Variants in CACNB2 observed in about 807,000 individuals in gnomAD.
CACNB2 encodes the protein calcium voltage-gated channel auxiliary subunit beta 2.
In CACNB2, 42 loss-of-function variants were observed where a neutral mutation model predicts 73.3. The observed-to-expected ratio is 0.57, with a 90% confidence interval of 0.45 to 0.74. CACNB2 has a LOEUF of 0.74. Among genes scored for constraint, CACNB2 ranks in the 30% least tolerant of loss-of-function variants. The pLI, the probability that CACNB2 is intolerant of heterozygous loss-of-function variation, is 0.00. For synonymous variants in CACNB2, 348 were observed against 310.3 expected, an observed-to-expected ratio of 1.12 and a Z score of -1.28; for missense variants, 940 against 853.0, an observed-to-expected ratio of 1.10 and a Z score of -1.27.
intron 2 of CACNB2, among the ~76,000 whole-genome samples, chr10:18,348,821 A>G (rs2041583343): frequency 6.6e-6 from 1 of 152,198 alleles, no homozygotes; most frequent in Non-Finnish European, 1.5e-5. Flanking sequence ...TATATTTTAA[A>G]GAGACCTCAG....
At chr10:18,389,228 C>T (rs1035929947) in intron 2 of CACNB2, among the ~76,000 whole-genome samples, 3 of 152,178 alleles carry the variant, frequency 2.0e-5, no homozygotes, top group African/African-American at 7.2e-5. Flanking sequence ...CCTTGAACTC[C>T]TGAGCTCAGG....
Position 18,539,461 on chromosome 10 carries a change from T to C in CACNB2, c.1720T>C (p.Tyr574His). 6.2e-7 allele frequency: 1 copy of C among 1,613,622 alleles called. No homozygotes were observed. The highest frequency in any genetic ancestry group is 8.5e-7 in the Non-Finnish European group (1 of 1,179,894). Residue 574 changes from tyrosine to histidine, a missense_variant, in exon 14 of 14, where the codon TAT (tyrosine) becomes CAT (histidine). Coordinates refer to ENST00000324631, the MANE Select transcript of CACNB2 (RefSeq NM_201596.3). ...DSAYVEPKED[Y>H]SHDHVDHYAS... ...TGCCTACGTAGAGCCAAAGGAAGAT[T>C]ATTCCCATGACCACGTGGACCACTA...
rs118184119 is a variant in CACNB2 at position 18,312,511 on chromosome 10, A to G, written c.214-89413A>G. Among the ~76,000 whole-genome samples the G allele has an allele frequency of 3.0e-4, 46 of 152,306 alleles. 1 individual carries two copies. In the East Asian group the frequency reaches 8.9e-3, roughly 29 times the overall value. Reference sequence around the variant, plus strand: ...AAATATTGGCCCAGATGCTGAATAAATCCTTGTCGATGACTATAAGGAGAT... The same window carrying G: ...AAATATTGGCCCAGATGCTGAATAAGTCCTTGTCGATGACTATAAGGAGAT... On this transcript the variant is annotated intron_variant, in intron 2 of 13. Coordinates refer to ENST00000324631, the MANE Select transcript of CACNB2 (RefSeq NM_201596.3).
chr10:18,487,774 G>A (rs565093781), intron 3 of CACNB2, among the ~76,000 whole-genome samples: 8 of 151,600 alleles, frequency 5.3e-5, no homozygotes, highest in African/African-American at 1.7e-4. Flanking sequence ...GGCAGAGGTT[G>A]CAGTGAGCCA....
chr10:18,499,961 A>T (rs939494413), intron 4 of CACNB2, among the ~76,000 whole-genome samples: 3 of 152,116 alleles, frequency 2.0e-5, no homozygotes, highest in African/African-American at 7.2e-5. Flanking sequence ...ACAGAGCAAG[A>T]CCCTGTCTTG....
chr10:18,462,358 G>A (rs1052959129), intron 3 of CACNB2, among the ~76,000 whole-genome samples: 1 of 151,964 alleles, frequency 6.6e-6, no homozygotes, highest in African/African-American at 2.4e-5. Context: ...GGGCTCAAGC[G>A]ATCCTCCCAC....
intron 2 of CACNB2, among the ~76,000 whole-genome samples, chr10:18,367,899 A>G (rs2042421512): frequency 6.6e-6 from 1 of 152,226 alleles, no homozygotes; most frequent in Non-Finnish European, 1.5e-5. Flanking sequence ...ATTTGATTTT[A>G]GAAAGACTTA....
At chr10:18,158,302 T>G (rs983472971) in intron 2 of CACNB2, among the ~76,000 whole-genome samples, 1 of 152,170 alleles carries the variant, frequency 6.6e-6, no homozygotes, top group Non-Finnish European at 1.5e-5. Context: ...GGCTTTTGCT[T>G]TGTAAATTGT....
At chr10:18,230,388 T>C (rs1366248159) in intron 2 of CACNB2, among the ~76,000 whole-genome samples, 1 of 152,222 alleles carries the variant, frequency 6.6e-6, no homozygotes, top group Non-Finnish European at 1.5e-5. Flanking sequence ...ATCTTTTTTT[T>C]GTACTGTTAT....
chr10:18,325,832 C>T (rs1372540753), intron 2 of CACNB2, among the ~76,000 whole-genome samples: 4 of 151,790 alleles, frequency 2.6e-5, no homozygotes, highest in Non-Finnish European at 5.9e-5. Flanking sequence ...GCAGCCTCCA[C>T]CTCCCAGACT....
chr10:18,447,888 C>G (rs1051340858), intron 3 of CACNB2, among the ~76,000 whole-genome samples: 1 of 151,668 alleles, frequency 6.6e-6, no homozygotes, highest in Admixed American at 6.6e-5. Flanking sequence ...CCTCCAAACC[C>G]GAGAGCTATT....
intron 2 of CACNB2, among the ~76,000 whole-genome samples, chr10:18,333,645 G>A (rs2040890279): frequency 6.6e-6 from 1 of 152,108 alleles, no homozygotes; most frequent in African/African-American, 2.4e-5. Context: ...CTAGAGTTTT[G>A]TTTTGCTGTT....
intron 3 of CACNB2, among the ~76,000 whole-genome samples, chr10:18,433,083 CTATT>C (rs1353892326): frequency 6.6e-6 from 1 of 150,740 alleles, no homozygotes; most frequent in Non-Finnish European, 1.5e-5. Flanking sequence ...TTAGATAACA[CTATT>C]TATTCATTAA....
At chr10:18,486,772 G>A (rs1486697700) in intron 3 of CACNB2, among the ~76,000 whole-genome samples, 1 of 152,160 alleles carries the variant, frequency 6.6e-6, no homozygotes, top group East Asian at 1.9e-4. Context: ...GGGAAATTTG[G>A]GGAGCTTGAA....
At chr10:18,493,403 T>C (rs1042470404) in intron 3 of CACNB2, among the ~76,000 whole-genome samples, 2 of 152,140 alleles carry the variant, frequency 1.3e-5, no homozygotes, top group Non-Finnish European at 2.9e-5. Flanking sequence ...CCTGATCTCG[T>C]GATCCGCCCA....
chr10:18,495,544 ACTGTGTG>A (rs1270780084), intron 3 of CACNB2, among the ~76,000 whole-genome samples: 21 of 123,598 alleles, frequency 1.7e-4, no homozygotes, highest in African/African-American at 7.1e-4. Flanking sequence ...AAGTATAAAA[ACTGTGTG>A]TGTGTGTGTG....
chr10:18,362,191 C>T (rs971736427), intron 2 of CACNB2, among the ~76,000 whole-genome samples: 1 of 152,152 alleles, frequency 6.6e-6, no homozygotes, highest in African/African-American at 2.4e-5. Context: ...TTTTTGTATA[C>T]ATGCATACAT....
At chr10:18,426,514 A>T (rs2045606617) in intron 3 of CACNB2, among the ~76,000 whole-genome samples, 1 of 152,146 alleles carries the variant, frequency 6.6e-6, no homozygotes, top group African/African-American at 2.4e-5. Context: ...TATCAGACAT[A>T]GATAGGACAG....
At chr10:18,400,640 GTTTTTT>G in intron 2 of CACNB2, 2 of 935,072 alleles carry the variant, frequency 2.1e-6, no homozygotes, top group East Asian at 1.2e-4. Flanking sequence ...TTTTGCACTA[GTTTTTT>G]TTTTTTTTTT....
Sources: gnomAD v4.1 joint callset for allele counts (sites outside exome capture counted in the v4.1 genomes callset) on GRCh38, gnomAD v4.1.1 for gene constraint, MANE v1.5 for transcripts, NCBI Gene and HGNC (gene_info 2026-07-23, HGNC 2026-07-21) for gene names.